The following FAM135B variants were observed in gnomAD, a reference collection of about 807,000 sequenced individuals.
FAM135B encodes family with sequence similarity 135 member B.
FAM135B carries 43 observed loss-of-function variants against 127.7 expected under a neutral mutation model. The observed-to-expected ratio is 0.34, with a 90% CI of 0.26 to 0.43. The LOEUF (loss-of-function observed/expected upper bound fraction) is 0.43. FAM135B is among the 20% of genes least tolerant of loss of function. FAM135B has a pLI of 1.00. For synonymous variants in FAM135B, 670 were observed against 665.1 expected (o/e 1.01, Z -0.11); for missense variants, 1,558 against 1,725.6 (o/e 0.90, Z 1.72).
chr8:138,224,824 A>G (rs12549581), intron 7 of FAM135B, among the ~76,000 whole-genome samples: 14,416 of 152,178 alleles, frequency 0.095, 936 homozygotes, highest in Non-Finnish European at 0.12. Flanking sequence ...GAATACACAA[A>G]TCCTGCACGA....
At chr8:138,346,949 C>G (rs111533187) in intron 2 of FAM135B, among the ~76,000 whole-genome samples, 2 of 152,328 alleles carry the variant, frequency 1.3e-5, no homozygotes, top group African/African-American at 4.8e-5. Flanking sequence ...CTGTTTCTAT[C>G]ATGAGGCTTT....
chr8:138,462,317 C>G (rs896624389), intron 1 of FAM135B, among the ~76,000 whole-genome samples: 1 of 152,034 alleles, frequency 6.6e-6, no homozygotes, highest in Non-Finnish European at 1.5e-5. Context: ...TTTTTGTTTT[C>G]GTAACTGTGC....
intron 2 of FAM135B, among the ~76,000 whole-genome samples, chr8:138,352,904 C>G (rs188456096): frequency 2.5e-4 from 38 of 152,274 alleles, no homozygotes; most frequent in Middle Eastern, 3.4e-3. Context: ...CTTTGTCACA[C>G]TGCTCAGTAC....
At chr8:138,447,365 T>C (rs1316248852) in intron 1 of FAM135B, among the ~76,000 whole-genome samples, 2 of 152,032 alleles carry the variant, frequency 1.3e-5, no homozygotes, top group Non-Finnish European at 2.9e-5. Context: ...CATATGTTTA[T>C]TGCGGCACTA....
chr8:138,456,404 T>A (rs1280583841), intron 1 of FAM135B, among the ~76,000 whole-genome samples: 1 of 152,034 alleles, frequency 6.6e-6, no homozygotes, highest in Non-Finnish European at 1.5e-5. Flanking sequence ...CTGAAGAGGG[T>A]GAAGGGAGTG....
chr8:138,392,785 C>T (rs78189386), intron 1 of FAM135B, among the ~76,000 whole-genome samples: 2,338 of 152,204 alleles, frequency 0.015, 58 homozygotes, highest in African/African-American at 0.052. Context: ...GGGACCACTA[C>T]TCAGGGGCTT....
intron 2 of FAM135B, among the ~76,000 whole-genome samples, chr8:138,317,271 T>C (rs1186695069): frequency 6.6e-6 from 1 of 152,172 alleles, no homozygotes; most frequent in Non-Finnish European, 1.5e-5. Flanking sequence ...AAAAGGTGTA[T>C]ATTTCCATTT....
chr8:138,196,634 G>C (rs991911461), intron 8 of FAM135B, among the ~76,000 whole-genome samples: 3 of 152,124 alleles, frequency 2.0e-5, no homozygotes, highest in Non-Finnish European at 4.4e-5. Context: ...GAGGTCTAGG[G>C]GTACATATAG....
intron 1 of FAM135B, among the ~76,000 whole-genome samples, chr8:138,468,040 G>A (rs993878456): frequency 6.6e-6 from 1 of 152,086 alleles, no homozygotes; most frequent in African/African-American, 2.4e-5. Flanking sequence ...AGGCATTCAT[G>A]CGCTGATAAA....
chr8:138,369,325 A>C (rs973516168), intron 1 of FAM135B, among the ~76,000 whole-genome samples: 4 of 152,096 alleles, frequency 2.6e-5, no homozygotes, highest in Non-Finnish European at 5.9e-5. Context: ...AGCCCCTCTT[A>C]CTGCCCCCAG....
chr8:138,487,830 C>T (rs1401141131), intron 1 of FAM135B, among the ~76,000 whole-genome samples: 2 of 152,144 alleles, frequency 1.3e-5, no homozygotes, highest in East Asian at 3.9e-4. Context: ...GGGGAAATCC[C>T]TTATCTACTA....
chr8:138,177,251 TC>T (rs754234571), intron 11 of FAM135B, 95 bp downstream of exon 11: 17 of 1,160,430 alleles, frequency 1.5e-5, no homozygotes, highest in Non-Finnish European at 2.1e-5. Flanking sequence ...CAGACTTCTC[TC>T]CTTCACTTCC....
chr8:138,377,370 G>T (rs967558162), intron 1 of FAM135B, among the ~76,000 whole-genome samples: 1 of 152,182 alleles, frequency 6.6e-6, no homozygotes, highest in Non-Finnish European at 1.5e-5. Context: ...GTTTTCTGCT[G>T]CTATAACAGA....
chr8:138,161,013 T>C (rs1819337195), intron 12 of FAM135B, among the ~76,000 whole-genome samples: 1 of 152,208 alleles, frequency 6.6e-6, no homozygotes, highest in Non-Finnish European at 1.5e-5. Flanking sequence ...GATAAGCTAT[T>C]ATCCTATTAG....
intron 5 of FAM135B, among the ~76,000 whole-genome samples, chr8:138,254,935 C>T (rs1821963243): frequency 1.3e-5 from 2 of 151,928 alleles, no homozygotes; most frequent in African/African-American, 4.8e-5. Context: ...CTCAGCTGCC[C>T]ATGTTATGAA....
chr8:138,284,591 G>A lies in FAM135B; in HGVS notation c.158-18749C>T, dbSNP rs372974231. 4.0e-5 allele frequency among the ~76,000 whole-genome samples: 6 copies of A among 151,250 alleles called. No individual in the cohort carries two copies. The East Asian group carries it at 5.9e-4, about 15-fold the overall frequency. On this transcript the variant is annotated intron_variant, in intron 3 of 19. Transcript: ENST00000395297. ...CACTGTTCTCCAGCCTCCCTGGCCTGCCAGCCCCTCCCTGTCACAAGCTAC... is the reference window on the plus strand; with the variant it reads ...CACTGTTCTCCAGCCTCCCTGGCCTACCAGCCCCTCCCTGTCACAAGCTAC...
At chr8:138,256,047 G>T (rs180863769) in intron 5 of FAM135B, among the ~76,000 whole-genome samples, 14 of 152,192 alleles carry the variant, frequency 9.2e-5, no homozygotes, top group African/African-American at 2.9e-4. Flanking sequence ...AATGGATGAG[G>T]TTTAGAGTTC....
At chr8:138,411,799 C>A (rs910848613) in intron 1 of FAM135B, among the ~76,000 whole-genome samples, 3 of 152,144 alleles carry the variant, frequency 2.0e-5, no homozygotes, top group African/African-American at 7.2e-5. Context: ...TTCATAATAA[C>A]AAAGACATAG....
chr8:138,378,781 A>G (rs1298070349), intron 1 of FAM135B, among the ~76,000 whole-genome samples: 1 of 152,010 alleles, frequency 6.6e-6, no homozygotes, highest in African/African-American at 2.4e-5. Flanking sequence ...AGCATCCCAC[A>G]CAATGCCAAG....
Sources: allele counts gnomAD v4.1 joint callset (sites outside exome capture counted in the v4.1 genomes callset), GRCh38; gene constraint gnomAD v4.1.1; transcripts MANE v1.5; gene names NCBI Gene and HGNC (gene_info 2026-07-23, HGNC 2026-07-21).